The following SETDB1 variants were observed in gnomAD, a reference collection of about 807,000 sequenced individuals.
SETDB1 encodes the protein SET domain bifurcated histone lysine methyltransferase 1.
Under a neutral mutation model 137.4 loss-of-function variants are expected in SETDB1, and 31 were observed. The observed-to-expected ratio is 0.23, with a 90% CI of 0.17 to 0.30. SETDB1 has a LOEUF of 0.30. SETDB1 is among the 10% of genes least tolerant of loss of function. The pLI, the probability that SETDB1 is intolerant of heterozygous loss-of-function variation, is 1.00. For synonymous variants in SETDB1, 548 were observed against 579.9 expected, an observed-to-expected ratio of 0.95 and a Z score of 0.79; for missense variants, 1,113 against 1,631.5, an observed-to-expected ratio of 0.68 and a Z score of 5.47.
intron 2 of SETDB1, among the ~76,000 whole-genome samples, chr1:150,929,205 C>T (rs1215627992): frequency 6.6e-6 from 1 of 152,080 alleles, no homozygotes; most frequent in Non-Finnish European, 1.5e-5. Flanking sequence ...TTTACAGTCC[C>T]ACCAACAGTG....
intron 15 of SETDB1, 106 bp downstream of exon 15, chr1:150,959,453 A>AGTAAGAG: frequency 1.1e-6 from 1 of 920,002 alleles, no homozygotes. Flanking sequence ...TGTGAACTGG[A>AGTAAGAG]GTAAGAGGAG....
At chr1:150,954,869 A>C (rs368873445) in intron 14 of SETDB1, among the ~76,000 whole-genome samples, 32 of 152,208 alleles carry the variant, frequency 2.1e-4, no homozygotes, top group Non-Finnish European at 4.0e-4. Context: ...ATATTTGCAA[A>C]AATGAGAGGG....
chr1:150,928,536 G>A (rs587681021), intron 2 of SETDB1, among the ~76,000 whole-genome samples: 3 of 152,152 alleles, frequency 2.0e-5, no homozygotes, highest in Admixed American at 6.5e-5. Flanking sequence ...TCTGTCTTAC[G>A]TAACTCTGAA....
chr1:150,958,086 T>G (rs1026349626), intron 14 of SETDB1, among the ~76,000 whole-genome samples: 1 of 150,540 alleles, frequency 6.6e-6, no homozygotes, highest in African/African-American at 2.4e-5. Context: ...CTTGGGAGGC[T>G]GAGGCAGGAG....
At position 150,937,221 on chromosome 1, in the gene SETDB1, T is replaced by C. The variant is rs185662409; in HGVS notation, c.413-2719T>C. 6.0e-4 allele frequency among the ~76,000 whole-genome samples: 89 copies of C among 148,804 alleles called. No homozygotes were observed. In the East Asian group the frequency reaches 0.014, roughly 24 times the overall value. On this transcript the variant is annotated intron_variant, in intron 3 of 21. Transcript: ENST00000692827. Reference sequence around the variant, plus strand: ...AAGAAAAAAAAAAGACAAACATAGGTGAACGTTGAGGACATTATGCTAAGT... The same window carrying C: ...AAGAAAAAAAAAAGACAAACATAGGCGAACGTTGAGGACATTATGCTAAGT...
At chr1:150,931,656 CA>C (rs10607028) in intron 3 of SETDB1, among the ~76,000 whole-genome samples, 56,398 of 108,304 alleles carry the variant, frequency 0.52, 14,649 homozygotes, top group Non-Finnish European at 0.6. Flanking sequence ...AAAGATAAAC[CA>C]AAAAAAAAAA....
chr1:150,946,336 CAGT>C (rs781122033), intron 9 of SETDB1, among the ~76,000 whole-genome samples: 152 of 152,174 alleles, frequency 1.0e-3, no homozygotes, highest in Non-Finnish European at 1.8e-3. Flanking sequence ...CTCTTATACT[CAGT>C]ATAGATATCT....
At chr1:150,951,991 T>C (rs1670500319) in intron 14 of SETDB1, among the ~76,000 whole-genome samples, 1 of 150,658 alleles carries the variant, frequency 6.6e-6, no homozygotes, top group Non-Finnish European at 1.5e-5. Flanking sequence ...CTACTAAAAA[T>C]ACAAAAATTA....
intron 14 of SETDB1, among the ~76,000 whole-genome samples, chr1:150,958,458 G>A (rs893785132): frequency 2.0e-5 from 3 of 151,696 alleles, no homozygotes; most frequent in African/African-American, 7.3e-5. Context: ...TACTGTGTTA[G>A]CCAGGATGGT....
At chr1:150,940,658 G>T (rs7521719) in intron 4 of SETDB1, among the ~76,000 whole-genome samples, 9 of 151,222 alleles carry the variant, frequency 6.0e-5, no homozygotes, top group African/African-American at 2.2e-4. Flanking sequence ...ACCTTAGGTC[G>T]GCAGTTCAAG....
At chr1:150,959,485 C>T (rs958574487) in intron 15 of SETDB1, 138 bp downstream of exon 15, 11 of 688,698 alleles carry the variant, frequency 1.6e-5, no homozygotes, top group African/African-American at 1.3e-4. Flanking sequence ...CTACAAAGAA[C>T]GTGATGAGTG....
intron 17 of SETDB1, 44 bp from the exon 18 acceptor site, chr1:150,962,543 A>G (rs1670854511): frequency 6.2e-7 from 1 of 1,607,176 alleles, no homozygotes; most frequent in African/African-American, 1.3e-5. Flanking sequence ...AAGCCTAAGA[A>G]ACAGCCAGTA....
intron 17 of SETDB1, 29 bp downstream of exon 17, chr1:150,962,187 G>C (rs1223676976): frequency 6.2e-7 from 1 of 1,606,794 alleles, no homozygotes; most frequent in Non-Finnish European, 8.5e-7. Flanking sequence ...GTTTTGTTTT[G>C]AGACAGAGTC....
At chr1:150,951,274 C>A in intron 13 of SETDB1, 91 bp from the exon 14 acceptor site, 3 of 1,132,850 alleles carry the variant, frequency 2.6e-6, no homozygotes, top group South Asian at 1.4e-5. Context: ...TCTGACATGG[C>A]CACACTGAGC....
chr1:150,952,818 C>T (rs1487454714), intron 14 of SETDB1, among the ~76,000 whole-genome samples: 3 of 151,988 alleles, frequency 2.0e-5, no homozygotes, highest in Non-Finnish European at 2.9e-5. Flanking sequence ...ATCTGGGAGG[C>T]GGAGGTTGTG....
In SETDB1 at chr1:150,964,255, G is replaced by A. The variant is rs1670919928; in HGVS notation, c.3770G>A (p.Arg1257Gln). The A allele has an allele frequency of 3.1e-6, 5 of 1,613,768 alleles. No homozygotes were observed. Among genetic ancestry groups the A allele is most frequent in the East Asian group, 2.2e-5 (1 of 44,904 alleles). Residue 1257 changes from arginine to glutamine, a missense_variant, in exon 22 of 22, where the codon CGG becomes CAG. Arg to Gln is a conservative substitution (Grantham distance 43). Transcript: ENST00000692827. ...CTTTTCTTCCTCTTCAGAAGAATCC[G>A]GGCTGGGACAGAACTTACTTGGGAC... ...WVAFFASKRIRAGTELTWDYN... is the reference protein window; with the variant it reads ...WVAFFASKRIQAGTELTWDYN...
chr1:150,950,495 TCAGCACTCCCGGCCCCTCCAGCACCCC>T lies in SETDB1; in HGVS notation c.1625_1651del (p.Ala542_Pro550del). 1 of 1,611,334 alleles carries T rather than the reference TCAGCACTCCCGGCCCCTCCAGCACCCC, an allele frequency of 6.2e-7. No homozygotes were observed. The highest frequency in any genetic ancestry group is 8.5e-7 in the Non-Finnish European group (1 of 1,178,534). On this transcript the variant is annotated inframe_deletion, in exon 13 of 22. Coordinates refer to ENST00000692827, the MANE Select transcript of SETDB1 (RefSeq NM_001366418.1). ...CTCCACAGCCTCTGCCCCAGCACCC[TCAGCACTCCCGGCCCCTCCAGCACCCC>T]CAGTCTTCCATGGCATGCTGGAGCG...
intron 3 of SETDB1, among the ~76,000 whole-genome samples, chr1:150,933,368 C>CTTTTTTTTTTTTTTTTTTTTTTTT (rs71090112): frequency 4.2e-5 from 5 of 118,888 alleles, no homozygotes; most frequent in African/African-American, 9.5e-5. Context: ...CCTATTTTGT[C>CTTTTTTTTTTTTTTTTTTTTTTTT]TTTTTTTTTT....
chr1:150,929,641 CA>C (rs2102631999), intron 2 of SETDB1, among the ~76,000 whole-genome samples: 1 of 152,150 alleles, frequency 6.6e-6, no homozygotes, highest in African/African-American at 2.4e-5. Flanking sequence ...CTCAGCCTCC[CA>C]AATTGCTGGG....
Sources: gnomAD v4.1 joint callset for allele counts (sites outside exome capture counted in the v4.1 genomes callset) on GRCh38, gnomAD v4.1.1 for gene constraint, MANE v1.5 for transcripts, NCBI Gene and HGNC (gene_info 2026-07-23, HGNC 2026-07-21) for gene names.